Variants in NDC1 observed in about 807,000 individuals in gnomAD.
NDC1 encodes the protein nucleoporin NDC1.
Under a neutral mutation model 89.8 loss-of-function variants are expected in NDC1, and 24 were observed. The observed-to-expected ratio is 0.27, with a 90% confidence interval of 0.19 to 0.38. The LOEUF is 0.38. NDC1 is among the 10% of genes least tolerant of loss of function. The pLI is 1.00. For missense variants in NDC1, 728 were observed against 797.6 expected (o/e 0.91, Z 1.05); for synonymous variants, 296 against 284.8 (o/e 1.04, Z -0.39).
chr1:53,769,418 C>T (rs1419731368), intron 17 of NDC1, among the ~76,000 whole-genome samples: 1 of 152,162 alleles, frequency 6.6e-6, no homozygotes, highest in Non-Finnish European at 1.5e-5. Flanking sequence ...CTTTGACATA[C>T]ACACAAGAAA....
chr1:53,787,785 AAC>A (rs1181854952), intron 15 of NDC1, among the ~76,000 whole-genome samples: 6 of 151,422 alleles, frequency 4.0e-5, no homozygotes, highest in Non-Finnish European at 8.8e-5. Flanking sequence ...TGAATAAAAT[AAC>A]AGTCTCTGGC....
rs897071184 is a variant in NDC1 at position 53,832,387 on chromosome 1, T to C, written c.280+103A>G. On this transcript the variant is annotated intron_variant, in intron 3 of 17. Coordinates refer to ENST00000371429, the MANE Select transcript of NDC1 (RefSeq NM_018087.5). ...AAGCATATGATTCTGTATACGTTTT[T>C]AAATTTTTGACACAAAACACATTCA... 17 of 636,020 alleles carry C rather than the reference T, an allele frequency of 2.7e-5. No individual in the cohort carries two copies. The South Asian group carries it at 3.5e-4, about 13-fold the overall frequency. The allele number at this position is 636,020 out of a possible 1,614,324, so 39.4% of individuals were successfully genotyped here. A position where few individuals can be genotyped will look rare whatever the true frequency, so the allele number is the denominator to read the frequency against.
intron 16 of NDC1, among the ~76,000 whole-genome samples, chr1:53,773,913 T>C (rs1647140561): frequency 6.6e-6 from 1 of 152,068 alleles, no homozygotes; most frequent in Admixed American, 6.6e-5. Context: ...GATCTAGGGA[T>C]CTAACTAATT....
In NDC1 at chr1:53,832,599, A is replaced by C; in HGVS notation, c.179-8T>G. 7.0e-7 allele frequency: 1 copy of C among 1,427,468 alleles called. No homozygotes were observed. Among genetic ancestry groups the C allele is most frequent in the Non-Finnish European group, 9.9e-7 (1 of 1,013,214 alleles). The allele number at this position is 1,427,468 out of a possible 1,614,324, so 88.4% of individuals were successfully genotyped here. On this transcript the variant is annotated splice_polypyrimidine_tract_variant and splice_region_variant and intron_variant, in intron 2 of 17. Coordinates refer to ENST00000371429, the MANE Select transcript of NDC1 (RefSeq NM_018087.5). The stretch of plus-strand genomic sequence containing the variant: ...ACAGGTCACTGAAAGAATCTAAAAC[A>C]CAAGAGAGATGAATTAGTAAAGGTT...
At chr1:53,775,753 T>G (rs1421606308) in intron 16 of NDC1, among the ~76,000 whole-genome samples, 2 of 152,190 alleles carry the variant, frequency 1.3e-5, no homozygotes, top group East Asian at 3.8e-4. Context: ...ACACTGGTCA[T>G]GTGTACTCTT....
chr1:53,779,053 G>A (rs971896962), intron 16 of NDC1, among the ~76,000 whole-genome samples: 1 of 148,642 alleles, frequency 6.7e-6, no homozygotes, highest in African/African-American at 2.5e-5. Context: ...TGAGGAGGGA[G>A]GATCAATTAA....
At chr1:53,810,536 G>A (rs1648269687) in intron 6 of NDC1, among the ~76,000 whole-genome samples, 1 of 151,676 alleles carries the variant, frequency 6.6e-6, no homozygotes, top group Non-Finnish European at 1.5e-5. Context: ...TCATGGAAAT[G>A]ATCATAGTCA....
chr1:53,823,291 T>C (rs1202562765), intron 5 of NDC1, among the ~76,000 whole-genome samples: 2 of 152,204 alleles, frequency 1.3e-5, no homozygotes, highest in African/African-American at 2.4e-5. Context: ...CTACAAGACA[T>C]GCCCCATATA....
At chr1:53,834,187 T>G (rs1649156721) in intron 2 of NDC1, among the ~76,000 whole-genome samples, 1 of 152,246 alleles carries the variant, frequency 6.6e-6, no homozygotes, top group South Asian at 2.1e-4. Flanking sequence ...AGAGAAAGTG[T>G]GATGAGGATT....
chr1:53,821,136 T>C (rs1648656885), intron 5 of NDC1, among the ~76,000 whole-genome samples: 2 of 151,874 alleles, frequency 1.3e-5, no homozygotes, highest in Admixed American at 1.3e-4. Flanking sequence ...TACAGTATCT[T>C]ACAAAAAGCA....
intron 15 of NDC1, among the ~76,000 whole-genome samples, chr1:53,788,918 C>T (rs867172570): frequency 7.3e-5 from 11 of 151,714 alleles, no homozygotes; most frequent in African/African-American, 2.7e-4. Flanking sequence ...AGAACCCAGG[C>T]TCAGTTTCTC....
intron 17 of NDC1, 42 bp downstream of exon 17, chr1:53,772,287 C>T: frequency 6.3e-7 from 1 of 1,579,934 alleles, no homozygotes; most frequent in Non-Finnish European, 8.7e-7. Context: ...AGGAAAGCTC[C>T]CCAGAATAGG....
At chr1:53,786,737 A>AC (rs1647318977) in intron 16 of NDC1, among the ~76,000 whole-genome samples, 1 of 152,112 alleles carries the variant, frequency 6.6e-6, no homozygotes, top group African/African-American at 2.4e-5. Flanking sequence ...TCGCTCTGTT[A>AC]CCCAGGCTGC....
chr1:53,782,438 A>G (rs974201842), intron 16 of NDC1, among the ~76,000 whole-genome samples: 2 of 152,230 alleles, frequency 1.3e-5, no homozygotes, highest in African/African-American at 4.8e-5. Context: ...AGGAATTGGT[A>G]ATAAAGTGGT....
chr1:53,776,595 T>C (rs1168491396), intron 16 of NDC1, among the ~76,000 whole-genome samples: 1 of 152,340 alleles, frequency 6.6e-6, no homozygotes, highest in Admixed American at 6.5e-5. Context: ...CTGCATTTTA[T>C]TTCTATTGGA....
At chr1:53,828,369 A>G (rs181781648) in intron 3 of NDC1, among the ~76,000 whole-genome samples, 196 bp from the exon 4 acceptor site, 1 of 152,308 alleles carries the variant, frequency 6.6e-6, no homozygotes, top group Admixed American at 6.5e-5. Flanking sequence ...GAATAAACAG[A>G]CACAAAAAAA....
intron 14 of NDC1, among the ~76,000 whole-genome samples, chr1:53,789,623 C>G (rs1647417104): frequency 6.6e-6 from 1 of 151,962 alleles, no homozygotes; most frequent in Non-Finnish European, 1.5e-5. Context: ...TATAGTGAAA[C>G]CCTGTCTCTA....
intron 15 of NDC1, among the ~76,000 whole-genome samples, chr1:53,787,824 T>TA (rs1356033740): frequency 6.7e-6 from 1 of 149,634 alleles, no homozygotes; most frequent in Non-Finnish European, 1.5e-5. Context: ...AAGAAAATTT[T>TA]AAAAATAATA....
intron 1 of NDC1, among the ~76,000 whole-genome samples, chr1:53,836,553 C>T (rs1347349554): frequency 2.0e-5 from 3 of 151,346 alleles, no homozygotes; most frequent in African/African-American, 7.3e-5. Context: ...CTAGATGCAA[C>T]AGTGCCATCT....
Sources: allele counts gnomAD v4.1 joint callset (sites outside exome capture counted in the v4.1 genomes callset), GRCh38; gene constraint gnomAD v4.1.1; transcripts MANE v1.5; gene names NCBI Gene and HGNC (gene_info 2026-07-23, HGNC 2026-07-21).